Variants in GXYLT1 observed in about 807,000 individuals in gnomAD.
GXYLT1 encodes the protein glycosyltransferase 8 domain containing 3.
Under a neutral mutation model 54.0 loss-of-function variants are expected in GXYLT1, and 29 were observed. The observed-to-expected ratio is 0.54, with a 90% CI of 0.40 to 0.73. GXYLT1 has a LOEUF of 0.73. GXYLT1 is among the 30% of genes least tolerant of loss of function. The pLI, the probability that GXYLT1 is intolerant of heterozygous loss-of-function variation, is 0.00. For synonymous variants in GXYLT1, 176 were observed against 204.1 expected (o/e 0.86, Z 1.17); for missense variants, 490 against 553.4 (o/e 0.89, Z 1.15).
intron 4 of GXYLT1, among the ~76,000 whole-genome samples, chr12:42,109,186 C>A (rs1413665067): frequency 2.0e-5 from 3 of 152,278 alleles, no homozygotes; most frequent in East Asian, 1.9e-4. Flanking sequence ...TACCTCATTT[C>A]TCAAACTCTA....
At chr12:42,137,275 G>A (rs1386353562) in intron 1 of GXYLT1, among the ~76,000 whole-genome samples, 4 of 152,026 alleles carry the variant, frequency 2.6e-5, no homozygotes, top group East Asian at 1.9e-4. Flanking sequence ...TTGGGAGGCC[G>A]AGGCAGAAGG....
rs150111453 is a variant in GXYLT1 at position 42,143,748 on chromosome 12, C to G, written c.221+678G>C. Among the ~76,000 whole-genome samples the G allele has an allele frequency of 4.0e-3, 612 of 152,290 alleles. 3 individuals are homozygous for G. The highest frequency in any genetic ancestry group is 6.6e-3 in the Non-Finnish European group (446 of 68,020). ...GCAGTGATTACGTCCTAAGTCATTACGTCGCTTTTTAAATACCAATTTGTC... is the reference window on the plus strand; with the variant it reads ...GCAGTGATTACGTCCTAAGTCATTAGGTCGCTTTTTAAATACCAATTTGTC... On this transcript the variant is annotated intron_variant, in intron 1 of 7. Transcript: ENST00000398675.
At chr12:42,097,699 A>T (rs2065364211) in intron 6 of GXYLT1, 85 bp from the exon 7 acceptor site, 2 of 1,235,848 alleles carry the variant, frequency 1.6e-6, no homozygotes, top group Admixed American at 2.4e-5. Flanking sequence ...GTTAAAAAAT[A>T]CAGCTCTTAC....
chr12:42,133,561 TAA>T (rs1477172123), intron 1 of GXYLT1, among the ~76,000 whole-genome samples: 1 of 152,156 alleles, frequency 6.6e-6, no homozygotes, highest in Non-Finnish European at 1.5e-5. Flanking sequence ...GCTAGCCATG[TAA>T]AAGAGCCACA....
At chr12:42,091,643 G>C (rs2065329871) in intron 7 of GXYLT1, among the ~76,000 whole-genome samples, 1 of 152,166 alleles carries the variant, frequency 6.6e-6, no homozygotes, top group African/African-American at 2.4e-5. Flanking sequence ...TCATCAGTGA[G>C]TATAGTCATA....
At chr12:42,108,482 T>C (rs918852350) in intron 4 of GXYLT1, among the ~76,000 whole-genome samples, 4 of 152,086 alleles carry the variant, frequency 2.6e-5, no homozygotes, top group African/African-American at 4.8e-5. Flanking sequence ...CACATATTAA[T>C]TAAATGACTG....
intron 2 of GXYLT1, among the ~76,000 whole-genome samples, chr12:42,128,466 T>C (rs896977775): frequency 6.6e-6 from 1 of 152,194 alleles, no homozygotes; most frequent in African/African-American, 2.4e-5. Context: ...TCCTTGAAAC[T>C]AGCTAATTTC....
intron 1 of GXYLT1, among the ~76,000 whole-genome samples, chr12:42,135,337 T>C (rs549307505): frequency 6.6e-5 from 10 of 152,148 alleles, no homozygotes; most frequent in African/African-American, 9.7e-5. Context: ...GTAAACTGTT[T>C]AGATGTATGG....
At chr12:42,114,446 A>C (rs575354906) in intron 3 of GXYLT1, among the ~76,000 whole-genome samples, 1 of 152,218 alleles carries the variant, frequency 6.6e-6, no homozygotes, top group Non-Finnish European at 1.5e-5. Context: ...GATAAAGGGG[A>C]TATCACCACC....
chr12:42,110,453 G>A (rs1442115356), intron 3 of GXYLT1, among the ~76,000 whole-genome samples: 1 of 152,164 alleles, frequency 6.6e-6, no homozygotes, highest in Non-Finnish European at 1.5e-5. Flanking sequence ...TTATGATAGT[G>A]TTTAAGTCAT....
intron 3 of GXYLT1, among the ~76,000 whole-genome samples, chr12:42,118,044 G>A (rs1483256516): frequency 6.6e-6 from 1 of 152,192 alleles, no homozygotes; most frequent in Non-Finnish European, 1.5e-5. Context: ...GCCACAGTAA[G>A]ACGAAGCCAG....
chr12:42,144,678 C>T lies in GXYLT1; in HGVS notation c.-32G>A. On this transcript the variant is annotated 5_prime_UTR_variant, in exon 1 of 8. Coordinates refer to ENST00000398675, the MANE Select transcript of GXYLT1 (RefSeq NM_173601.2). Reference sequence around the variant, plus strand: ...GGCCGCGCTCCTCCTTCGCCGCCGCCGCCGCGCCCGCCCCGACGAACTGGA... The same window carrying T: ...GGCCGCGCTCCTCCTTCGCCGCCGCTGCCGCGCCCGCCCCGACGAACTGGA... 2 of 1,380,570 alleles carry T rather than the reference C, an allele frequency of 1.4e-6. No individual in the cohort carries two copies. The highest frequency in any genetic ancestry group is 1.5e-5 in the South Asian group (1 of 66,914). The allele number at this position is 1,380,570 out of a possible 1,614,324, so 85.5% of individuals were successfully genotyped here.
Position 42,144,745 on chromosome 12 carries a change from C to A in GXYLT1, c.-99G>T. 1.1e-6 allele frequency: 1 copy of A among 900,472 alleles called. No individual in the cohort carries two copies. The highest frequency in any genetic ancestry group is 2.8e-5 in the South Asian group (1 of 35,364). The allele number at this position is 900,472 out of a possible 1,614,324, so 55.8% of individuals were successfully genotyped here. A position where few individuals can be genotyped will look rare whatever the true frequency, so the allele number is the denominator to read the frequency against. On this transcript the variant is annotated 5_prime_UTR_variant, in exon 1 of 8. Coordinates refer to ENST00000398675, the MANE Select transcript of GXYLT1 (RefSeq NM_173601.2). ...CGCGCAGCCGCGGGCGCAACAAGTT[C>A]CTCACCCGCAGCCGCCGCCGCCGCC...
At chr12:42,113,310 T>G (rs2065470940) in intron 3 of GXYLT1, among the ~76,000 whole-genome samples, 1 of 151,192 alleles carries the variant, frequency 6.6e-6, no homozygotes, top group Non-Finnish European at 1.5e-5. Flanking sequence ...ATGGGCTAAA[T>G]GCTCCAATTA....
At position 42,087,281 on chromosome 12, in the gene GXYLT1, G is replaced by A. The variant is rs78277437; in HGVS notation, c.*505C>T. The stretch of plus-strand genomic sequence containing the variant: ...TTAAAACAGAGATGAAATGTATAAA[G>A]GCACACATAGATTGTCAATGGTTAC... On this transcript the variant is annotated 3_prime_UTR_variant, in exon 8 of 8. Coordinates refer to ENST00000398675, the MANE Select transcript of GXYLT1 (RefSeq NM_173601.2). 2.2e-4 allele frequency: 31 copies of A among 140,592 alleles called. No homozygotes were observed. The highest frequency in any genetic ancestry group is 3.7e-4 in the Non-Finnish European group (23 of 62,362). The allele number at this position is 140,592 out of a possible 1,614,324, so 8.7% of individuals were successfully genotyped here.
chr12:42,120,977 T>C (rs2065527502), intron 2 of GXYLT1, among the ~76,000 whole-genome samples: 1 of 152,194 alleles, frequency 6.6e-6, no homozygotes, highest in African/African-American at 2.4e-5. Flanking sequence ...AAACTAATGA[T>C]GGAGGGGAGA....
At chr12:42,127,181 A>G (rs2065567738) in intron 2 of GXYLT1, among the ~76,000 whole-genome samples, 1 of 152,204 alleles carries the variant, frequency 6.6e-6, no homozygotes, top group Non-Finnish European at 1.5e-5. Context: ...AAGCTTTACC[A>G]GTATTAAAGT....
chr12:42,097,962 G>A lies in GXYLT1; in HGVS notation c.936C>T (p.Asn312=), dbSNP rs1164736895. 9 of 1,603,198 alleles carry A rather than the reference G, an allele frequency of 5.6e-6. No individual in the cohort carries two copies. The East Asian group carries it at 2.0e-4, about 36-fold the overall frequency. ...LMPLLKKYKL[N]ITWGDQDLLN... ...ATAGATCTTGATCACCCCATGTGAT[G>A]TTTAGTTTGTATTTTTTAAGCAATG... Residue 312 remains asparagine (N), a synonymous_variant, in exon 6 of 8, where the codon AAC becomes AAT. Transcript: ENST00000398675.
intron 2 of GXYLT1, among the ~76,000 whole-genome samples, chr12:42,126,790 G>A (rs1327246190): frequency 6.6e-6 from 1 of 151,028 alleles, no homozygotes; most frequent in Non-Finnish European, 1.5e-5. Context: ...TGAGGCAGGA[G>A]AATCGCTTGA....
Sources: allele counts gnomAD v4.1 joint callset (sites outside exome capture counted in the v4.1 genomes callset), GRCh38; gene constraint gnomAD v4.1.1; transcripts MANE v1.5; gene names NCBI Gene and HGNC (gene_info 2026-07-23, HGNC 2026-07-21).